Variants in CREBL2 observed in about 807,000 individuals in gnomAD.
CREBL2 encodes the protein cAMP responsive element binding protein like 2, also known as cAMP-responsive element-binding protein-like 2.
Under a neutral mutation model 19.5 loss-of-function variants are expected in CREBL2, and 4 were observed. The ratio of observed to expected loss-of-function variants is 0.20; its 90% CI spans 0.10 to 0.47. The LOEUF (loss-of-function observed/expected upper bound fraction) is 0.47, where lower values mean the gene tolerates loss of function less well. Ranked by LOEUF, CREBL2 falls within the 20% of genes least tolerant of loss-of-function variation. The pLI, the probability that CREBL2 is intolerant of heterozygous loss-of-function variation, is 0.98. For synonymous variants in CREBL2, 42 were observed against 46.6 expected, an observed-to-expected ratio of 0.90 and a Z score of 0.40; for missense variants, 85 against 145.1, an observed-to-expected ratio of 0.59 and a Z score of 2.13.
At chr12:12,620,947 C>T (rs975567985) in intron 1 of CREBL2, among the ~76,000 whole-genome samples, 2 of 152,096 alleles carry the variant, frequency 1.3e-5, no homozygotes, top group African/African-American at 2.4e-5. Context: ...GCTTAACTGT[C>T]GAGGAACGTC....
At chr12:12,615,138 C>T (rs184867453) in intron 1 of CREBL2, among the ~76,000 whole-genome samples, 207 of 152,248 alleles carry the variant, frequency 1.4e-3, no homozygotes, top group African/African-American at 4.8e-3. Context: ...CGTCAGCCTC[C>T]TGAGTAGCTG....
rs555741470 is a variant in CREBL2 at position 12,612,211 on chromosome 12, C to T, written c.15+24C>T. 3 of 1,613,368 alleles carry T rather than the reference C, an allele frequency of 1.9e-6. No individual in the cohort carries two copies. In the Admixed American group the frequency reaches 5.0e-5, roughly 27 times the overall value. ...AGGTAAGTCTTGTGGTTTGCACGCG[C>T]CGCCGCCTTCTTGTCGCTCAATGCT... On this transcript the variant is annotated intron_variant, in intron 1 of 3. Coordinates refer to ENST00000228865, the MANE Select transcript of CREBL2 (RefSeq NM_001310.4).
rs1472931499 is a variant in CREBL2 at position 12,644,843 on chromosome 12, T to C, written c.*2845T>C. The C allele has an allele frequency of 4.6e-5, 7 of 152,258 alleles. No individual in the cohort carries two copies. Among genetic ancestry groups the C allele is most frequent in the Admixed American group, 4.6e-4 (7 of 15,278 alleles). The allele number at this position is 152,258 out of a possible 1,614,324, so 9.4% of individuals were successfully genotyped here. A position where few individuals can be genotyped will look rare whatever the true frequency, so the allele number is the denominator to read the frequency against. On this transcript the variant is annotated 3_prime_UTR_variant, in exon 4 of 4. Coordinates refer to ENST00000228865, the MANE Select transcript of CREBL2 (RefSeq NM_001310.4). ...AGGTTTAAACTGGACTTAGCTTGAG[T>C]TAAAGGCAAAGAAAATCTAAAAACA...
chr12:12,628,869 G>C (rs1945421792), intron 1 of CREBL2, among the ~76,000 whole-genome samples: 2 of 152,198 alleles, frequency 1.3e-5, no homozygotes, highest in Non-Finnish European at 2.9e-5. Flanking sequence ...ACCCTTTATT[G>C]AAGAGACTAT....
chr12:12,617,428 A>G (rs1221499830), intron 1 of CREBL2, among the ~76,000 whole-genome samples: 1 of 152,070 alleles, frequency 6.6e-6, no homozygotes, highest in Non-Finnish European at 1.5e-5. Flanking sequence ...TGGCTAATTT[A>G]TTTAACTTTT....
In CREBL2 at chr12:12,645,045, A is replaced by G. The variant is rs1484908124; in HGVS notation, c.*3047A>G. ...ACTTTCACAGGGTAATTGGTAGGCT[A>G]AATAGGAGTTACAGAAAACTGTTAA... On this transcript the variant is annotated 3_prime_UTR_variant, in exon 4 of 4. Transcript: ENST00000228865. 6.6e-6 allele frequency: 1 copy of G among 152,190 alleles called. No homozygotes were observed. Among genetic ancestry groups the G allele is most frequent in the Non-Finnish European group, 1.5e-5 (1 of 68,028 alleles). 9.4% of individuals were successfully genotyped at this position (152,190 alleles called of 1,614,324 possible).
chr12:12,625,135 A>T (rs1374734339), intron 1 of CREBL2, among the ~76,000 whole-genome samples: 2 of 152,150 alleles, frequency 1.3e-5, no homozygotes, highest in Non-Finnish European at 2.9e-5. Flanking sequence ...GTGATTTAGG[A>T]AAAGGCAACA....
At chr12:12,631,589 T>C (rs987189686) in intron 1 of CREBL2, among the ~76,000 whole-genome samples, 23 of 152,218 alleles carry the variant, frequency 1.5e-4, no homozygotes, top group South Asian at 6.2e-4. Context: ...GTGGTTATCA[T>C]TGAGTTTGTG....
At chr12:12,621,644 G>A (rs1037103352) in intron 1 of CREBL2, among the ~76,000 whole-genome samples, 1 of 151,954 alleles carries the variant, frequency 6.6e-6, no homozygotes, top group African/African-American at 2.4e-5. Context: ...AGATGAGGAT[G>A]AAAGATAAGC....
At position 12,642,406 on chromosome 12, in the gene CREBL2, TTTGA is replaced by T. The variant is rs1262009345; in HGVS notation, c.*412_*415del. ...TTTATGTGTCACCACCTTTCATGTT[TTTGA>T]TTGCCCTACAAAGAGAAACCAAATG... On this transcript the variant is annotated 3_prime_UTR_variant, in exon 4 of 4. Coordinates refer to ENST00000228865, the MANE Select transcript of CREBL2 (RefSeq NM_001310.4). 6.4e-6 allele frequency: 1 copy of T among 156,834 alleles called. No homozygotes were observed. The highest frequency in any genetic ancestry group is 1.9e-4 in the East Asian group (1 of 5,398). The allele number at this position is 156,834 out of a possible 1,614,324, so 9.7% of individuals were successfully genotyped here.
rs1945550737 is a variant in CREBL2 at position 12,644,628 on chromosome 12, G to A, written c.*2630G>A. The A allele has an allele frequency of 6.6e-6, 1 of 152,572 alleles. No homozygotes were observed. Among genetic ancestry groups the A allele is most frequent in the African/African-American group, 2.4e-5 (1 of 41,432 alleles). 9.5% of individuals were successfully genotyped at this position (152,572 alleles called of 1,614,324 possible). On this transcript the variant is annotated 3_prime_UTR_variant, in exon 4 of 4. Transcript: ENST00000228865. ...CCAGGTCAAGTTTTAGGATATAGTT[G>A]AATTTCTTTAAAAAGTTTTCTATTT...
rs145997022 is a variant in CREBL2, at chr12:12,620,191, A to C, written c.15+8004A>C. On this transcript the variant is annotated intron_variant, in intron 1 of 3. Coordinates refer to ENST00000228865, the MANE Select transcript of CREBL2 (RefSeq NM_001310.4). The stretch of plus-strand genomic sequence containing the variant: ...AAAAGAGCCATGTTGTCTATTAAAC[A>C]AATCTCTGACAGTAGACATTAATGT... Among the ~76,000 whole-genome samples, 8 of 152,208 alleles carry C rather than the reference A, an allele frequency of 5.3e-5. No homozygotes were observed. In the East Asian group the frequency reaches 1.5e-3, roughly 29 times the overall value.
At chr12:12,620,639 G>A (rs1945352310) in intron 1 of CREBL2, among the ~76,000 whole-genome samples, 1 of 152,182 alleles carries the variant, frequency 6.6e-6, no homozygotes, top group South Asian at 2.1e-4. Context: ...TGAAATCTAA[G>A]TTTAAATAAC....
At chr12:12,625,080 T>G (rs1456910382) in intron 1 of CREBL2, among the ~76,000 whole-genome samples, 1 of 152,136 alleles carries the variant, frequency 6.6e-6, no homozygotes, top group Non-Finnish European at 1.5e-5. Flanking sequence ...ACCAGTCTCG[T>G]CTGGGGGTTT....
chr12:12,620,898 C>T (rs777005987), intron 1 of CREBL2, among the ~76,000 whole-genome samples: 8 of 152,040 alleles, frequency 5.3e-5, no homozygotes, highest in Non-Finnish European at 1.0e-4. Context: ...AAAATGAGGG[C>T]AATAGAGGCA....
In CREBL2 at chr12:12,612,184, T is replaced by G; in HGVS notation, c.12T>G (p.Ser4Arg). 6.2e-7 allele frequency: 1 copy of G among 1,613,546 alleles called. No homozygotes were observed. Among genetic ancestry groups the G allele is most frequent in the Non-Finnish European group, 8.5e-7 (1 of 1,180,028 alleles). Residue 4 changes from serine (S) to arginine (R), a missense_variant, in exon 1 of 4, where the codon AGT (serine) becomes AGG (arginine). Coordinates refer to ENST00000228865, the MANE Select transcript of CREBL2 (RefSeq NM_001310.4). ...GCCTGTCTGCCGCGATGGATGACAG[T>G]AAGGTAAGTCTTGTGGTTTGCACGC... MDDSKVVGGKVKKP... is the reference protein window; with the variant it reads MDDRKVVGGKVKKP...
Position 12,627,973 on chromosome 12 carries a change from G to A in CREBL2, c.16-7804G>A, listed in dbSNP as rs147208011. ...CGGCTCACTGCAACCTCCAACTCCC[G>A]GGTTCAAGCGATTCTCCTGCCTCAG... On this transcript the variant is annotated intron_variant, in intron 1 of 3. Coordinates refer to ENST00000228865, the MANE Select transcript of CREBL2 (RefSeq NM_001310.4). Among the ~76,000 whole-genome samples the A allele has an allele frequency of 9.9e-3, 1,502 of 152,168 alleles. 20 individuals are homozygous for A. Among genetic ancestry groups the A allele is most frequent in the African/African-American group, 0.034 (1,415 of 41,526 alleles).
Position 12,618,247 on chromosome 12 carries a change from G to C in CREBL2, c.15+6060G>C, listed in dbSNP as rs1414746571. Among the ~76,000 whole-genome samples the C allele has an allele frequency of 4.0e-5, 6 of 151,182 alleles. No homozygotes were observed. The East Asian group carries it at 9.8e-4, about 25-fold the overall frequency. Reference sequence around the variant, plus strand: ...TCACTTCCCAGACGGGGCGGCTGCCGGGCGGAGACGCTCCTCACTTCCCAG... The same window carrying C: ...TCACTTCCCAGACGGGGCGGCTGCCCGGCGGAGACGCTCCTCACTTCCCAG... On this transcript the variant is annotated intron_variant, in intron 1 of 3. Coordinates refer to ENST00000228865, the MANE Select transcript of CREBL2 (RefSeq NM_001310.4).
At position 12,611,891 on chromosome 12, in the gene CREBL2, C is replaced by G. The variant is rs1945268662; in HGVS notation, c.-282C>G. On this transcript the variant is annotated 5_prime_UTR_variant, in exon 1 of 4. Coordinates refer to ENST00000228865, the MANE Select transcript of CREBL2 (RefSeq NM_001310.4). ...CCCACCCTCCGGTCTCGGCGGCTCT[C>G]CAGAGCGTCTGTAAACACCCAGAGA... The G allele has an allele frequency of 7.7e-6, 4 of 519,360 alleles. No individual in the cohort carries two copies. The highest frequency in any genetic ancestry group is 1.0e-5 in the Non-Finnish European group (3 of 293,406). 32.2% of individuals were successfully genotyped at this position (519,360 alleles called of 1,614,324 possible). A position where few individuals can be genotyped will look rare whatever the true frequency, so the allele number is the denominator to read the frequency against.
Sources: gnomAD v4.1 joint callset for allele counts (sites outside exome capture counted in the v4.1 genomes callset) on GRCh38, gnomAD v4.1.1 for gene constraint, MANE v1.5 for transcripts, NCBI Gene and HGNC (gene_info 2026-07-23, HGNC 2026-07-21) for gene names.